CSTF3: variants seen among roughly 807,000 people sequenced by gnomAD.
CSTF3 encodes cleavage stimulation factor subunit 3, also known as CF-1 77 kDa subunit.
Under a neutral mutation model 105.8 loss-of-function variants are expected in CSTF3, and 29 were observed. The ratio of observed to expected loss-of-function variants is 0.27; its 90% CI spans 0.20 to 0.37. The LOEUF (loss-of-function observed/expected upper bound fraction) is 0.37, where lower values mean the gene tolerates loss of function less well. Ranked by LOEUF, CSTF3 falls within the 10% of genes least tolerant of loss-of-function variation. CSTF3 has a pLI of 1.00. For missense variants in CSTF3, 357 were observed against 879.3 expected, an observed-to-expected ratio of 0.41 and a Z score of 7.51; for synonymous variants, 252 against 281.9, an observed-to-expected ratio of 0.89 and a Z score of 1.06.
intron 1 of CSTF3, among the ~76,000 whole-genome samples, chr11:33,148,318 TA>T (rs1329453727): frequency 2.0e-5 from 3 of 152,202 alleles, no homozygotes; most frequent in African/African-American, 7.2e-5. Flanking sequence ...CTCAATCAAC[TA>T]AACCTGAATC....
intron 1 of CSTF3, among the ~76,000 whole-genome samples, chr11:33,147,839 A>G (rs983897311): frequency 6.6e-6 from 1 of 152,170 alleles, no homozygotes; most frequent in Non-Finnish European, 1.5e-5. Context: ...GCCTTTCAGT[A>G]TCACTGAAGA....
At chr11:33,107,478 C>A (rs751650605) in intron 5 of CSTF3, among the ~76,000 whole-genome samples, 1 of 152,134 alleles carries the variant, frequency 6.6e-6, no homozygotes, top group Non-Finnish European at 1.5e-5. Context: ...GGGTATAATT[C>A]GGAGTGGGGA....
chr11:33,136,936 T>C (rs1257527569), intron 3 of CSTF3, among the ~76,000 whole-genome samples: 1 of 151,854 alleles, frequency 6.6e-6, no homozygotes, highest in Non-Finnish European at 1.5e-5. Flanking sequence ...AGGTAAAACA[T>C]TACTACCTCC....
At position 33,108,367 on chromosome 11, in the gene CSTF3, A is replaced by T; in HGVS notation, c.258+19T>A. The T allele has an allele frequency of 2.1e-6, 3 of 1,460,704 alleles. No homozygotes were observed. Among genetic ancestry groups the T allele is most frequent in the Non-Finnish European group, 2.7e-6 (3 of 1,094,346 alleles). The allele number at this position is 1,460,704 out of a possible 1,614,324, so 90.5% of individuals were successfully genotyped here. A position where few individuals can be genotyped will look rare whatever the true frequency, so the allele number is the denominator to read the frequency against. On this transcript the variant is annotated intron_variant, in intron 4 of 20. Coordinates refer to ENST00000323959, the MANE Select transcript of CSTF3 (RefSeq NM_001326.3). ...TAAGTTAAACTTCAATATAAAATTC[A>T]AAGTATTTGAGGACTCACCTTTTCA...
chr11:33,140,954 G>A (rs1855704664), intron 3 of CSTF3: 1 of 151,716 alleles, frequency 6.6e-6, no homozygotes, highest in Admixed American at 6.6e-5. Flanking sequence ...ACTAATTCCA[G>A]TCTTCAAAAA....
Position 33,150,122 on chromosome 11 carries a change from G to A in CSTF3, c.28-8136C>T, listed in dbSNP as rs142939034. On this transcript the variant is annotated intron_variant, in intron 1 of 20. Coordinates refer to ENST00000323959, the MANE Select transcript of CSTF3 (RefSeq NM_001326.3). ...CCCAGCTACTTGGGAGGCTGAGACC[G>A]GAGAATTGCTTGAACCCGGGAGGCG... is the stretch of plus-strand genomic sequence containing the variant. Among the ~76,000 whole-genome samples the A allele has an allele frequency of 6.4e-3, 974 of 151,738 alleles. 8 individuals are homozygous for A. Among genetic ancestry groups the A allele is most frequent in the African/African-American group, 0.022 (898 of 41,352 alleles).
chr11:33,096,223 C>T, intron 15 of CSTF3, 83 bp downstream of exon 15: 1 of 949,308 alleles, frequency 1.1e-6, no homozygotes, highest in Non-Finnish European at 1.5e-6. Flanking sequence ...AATTATAATA[C>T]ATTCAAGAAG....
intron 15 of CSTF3, among the ~76,000 whole-genome samples, chr11:33,093,366 C>T (rs1158665495): frequency 1.3e-5 from 2 of 152,168 alleles, no homozygotes; most frequent in Non-Finnish European, 2.9e-5. Context: ...CACTGCCTGC[C>T]TATGTGTTGT....
chr11:33,103,906 T>C (rs541218212), intron 8 of CSTF3, among the ~76,000 whole-genome samples: 1 of 152,278 alleles, frequency 6.6e-6, no homozygotes. Context: ...CCATCCTAAC[T>C]CACTGGAACC....
At chr11:33,130,879 A>G in intron 3 of CSTF3, among the ~76,000 whole-genome samples, 1 of 152,248 alleles carries the variant, frequency 6.6e-6, no homozygotes, top group Non-Finnish European at 1.5e-5. Flanking sequence ...CACCACAAAA[A>G]TTAGCCGGGT....
rs763082197 is a variant in CSTF3, at chr11:33,099,631, T to A, written c.913A>T (p.Ser305Cys). 1.9e-6 allele frequency: 3 copies of A among 1,609,824 alleles called. 1 individual carries two copies. In the South Asian group the frequency reaches 3.3e-5, roughly 18 times the overall value. The stretch of plus-strand genomic sequence containing the variant: ...ACTCCCTTTTCTGCGAGCAGTTTAC[T>A]TGACTGCTCAAGATACTGGGCAGCT... ...YEAAQYLEQSSKLLAEKGDMN... is the reference protein window; with the variant it reads ...YEAAQYLEQSCKLLAEKGDMN... Residue 305 changes from serine to cysteine, a missense_variant, in exon 11 of 21, where the codon AGT (serine) becomes TGT (cysteine). Ser to Cys is a moderately radical substitution (Grantham distance 112). Around this residue, in one of 4 missense-constraint regions of CSTF3, gnomAD observed 206 missense variants for 576.5 expected, o/e 0.36. Transcript: ENST00000323959. The surrounding 1 kb of genome is among the most constrained non-coding windows in gnomAD (Gnocchi z 4.1).
Position 33,161,352 on chromosome 11 carries a change from C to G in CSTF3, c.-27G>C. 1 of 1,611,898 alleles carries G rather than the reference C, an allele frequency of 6.2e-7. No individual in the cohort carries two copies. Among genetic ancestry groups the G allele is most frequent in the Non-Finnish European group, 8.5e-7 (1 of 1,179,910 alleles). On this transcript the variant is annotated 5_prime_UTR_variant, in exon 1 of 21. Coordinates refer to ENST00000323959, the MANE Select transcript of CSTF3 (RefSeq NM_001326.3). ...GCCTCAGCTGATTACAACGTGCGCA[C>G]TGACCGTCGATGGGAAGCTAGAAAA... is the stretch of plus-strand genomic sequence containing the variant.
In CSTF3 at chr11:33,105,741, A is replaced by C. The variant is rs769075199; in HGVS notation, c.459-48T>G. ...ATCAATTATATTATAACCAAATCTC[A>C]TTCAACCCAGCAATCTCACTACTGG... is the stretch of plus-strand genomic sequence containing the variant. On this transcript the variant is annotated intron_variant, in intron 7 of 20. Transcript: ENST00000323959. 1.9e-6 allele frequency: 3 copies of C among 1,599,176 alleles called. No homozygotes were observed. In the East Asian group the frequency reaches 6.7e-5, roughly 36 times the overall value.
intron 1 of CSTF3, among the ~76,000 whole-genome samples, chr11:33,147,297 A>T (rs1855796232): frequency 1.3e-5 from 2 of 151,632 alleles, no homozygotes; most frequent in Non-Finnish European, 2.9e-5. Context: ...ACTGTCTCTA[A>T]AAAAAAAGAA....
chr11:33,086,929 T>C, intron 18 of CSTF3, 59 bp downstream of exon 18: 3 of 1,601,922 alleles, frequency 1.9e-6, no homozygotes. Flanking sequence ...CCCCACGCTT[T>C]GGATTTAAAT....
intron 3 of CSTF3, among the ~76,000 whole-genome samples, chr11:33,138,177 C>G (rs747462461): frequency 1.3e-5 from 2 of 151,746 alleles, no homozygotes; most frequent in Non-Finnish European, 3.0e-5. Context: ...TACATCGTTG[C>G]TATTACCAGC....
intron 3 of CSTF3, among the ~76,000 whole-genome samples, chr11:33,121,455 T>C (rs541446814): frequency 6.6e-6 from 1 of 152,310 alleles, no homozygotes; most frequent in South Asian, 2.1e-4. Flanking sequence ...AACGAAAACA[T>C]ATCCTATTTT....
rs1855249289 is a variant in CSTF3, at chr11:33,098,681, G to T, written c.1128+9C>A. 3.9e-6 allele frequency: 6 copies of T among 1,550,626 alleles called. No individual in the cohort carries two copies. The highest frequency in any genetic ancestry group is 1.2e-5 in the South Asian group (1 of 85,780). On this transcript the variant is annotated intron_variant, in intron 13 of 20. Coordinates refer to ENST00000323959, the MANE Select transcript of CSTF3 (RefSeq NM_001326.3). ...AAAGGTGGAAAAAAAGATTTGTAAA[G>T]TTACTCACCAAGGTAGGGTCAATAT... is the stretch of plus-strand genomic sequence containing the variant.
intron 20 of CSTF3, 45 bp downstream of exon 20, chr11:33,085,668 C>G: frequency 6.6e-7 from 1 of 1,505,440 alleles, no homozygotes; most frequent in Non-Finnish European, 9.2e-7. Flanking sequence ...GCCTATGAGA[C>G]AACAACGTGG....
Sources: gnomAD v4.1 joint callset for allele counts (sites outside exome capture counted in the v4.1 genomes callset) on GRCh38, gnomAD v4.1.1 for gene constraint, gnomAD v4.1.1 regional missense constraint, Gnocchi (gnomAD v3.1) non-coding constraint, MANE v1.5 for transcripts, NCBI Gene and HGNC (gene_info 2026-07-23, HGNC 2026-07-21) for gene names.